CUX2: variants seen among roughly 807,000 people sequenced by gnomAD.
CUX2 encodes cut like homeobox 2, also known as homeobox protein cut-like 2.
Under a neutral mutation model 144.8 loss-of-function variants are expected in CUX2, and 40 were observed. The observed-to-expected ratio is 0.28, with a 90% CI of 0.21 to 0.36. The LOEUF (loss-of-function observed/expected upper bound fraction) is 0.36. CUX2 is among the 10% of genes least tolerant of loss of function. The probability of loss-of-function intolerance (pLI) is 1.00; values close to 1 mark genes in which losing one functional copy is unlikely to be tolerated. For synonymous variants in CUX2, 827 were observed against 875.6 expected (o/e 0.94, Z 0.98); for missense variants, 1,615 against 1,994.0 (o/e 0.81, Z 3.62).
chr12:111,342,168 C>A, intron 21 of CUX2, 115 bp downstream of exon 21: 1 of 1,220,436 alleles, frequency 8.2e-7, no homozygotes, highest in Non-Finnish European at 1.1e-6. Flanking sequence ...AAGACCCCAT[C>A]ACATAGGCAC....
chr12:111,161,098 CCTT>C (rs1316007063), intron 1 of CUX2, among the ~76,000 whole-genome samples: 3 of 152,208 alleles, frequency 2.0e-5, no homozygotes, highest in African/African-American at 7.2e-5. Context: ...GACTGTGTCT[CCTT>C]GGCTCAAAGG....
intron 1 of CUX2, among the ~76,000 whole-genome samples, chr12:111,079,865 A>G (rs2136041119): frequency 6.6e-6 from 1 of 152,178 alleles, no homozygotes; most frequent in Admixed American, 6.5e-5. Flanking sequence ...CTCCCTGGTG[A>G]CAAGCAGGTG....
At chr12:111,278,411 A>G (rs1466408501) in intron 4 of CUX2, among the ~76,000 whole-genome samples, 2 of 152,160 alleles carry the variant, frequency 1.3e-5, no homozygotes, top group Admixed American at 6.5e-5. Context: ...ACAGAGCAAG[A>G]CCCTGTCTCT....
chr12:111,146,475 C>G (rs1876679897), intron 1 of CUX2, among the ~76,000 whole-genome samples: 1 of 152,174 alleles, frequency 6.6e-6, no homozygotes, highest in Non-Finnish European at 1.5e-5. Context: ...CCCACCCAGT[C>G]TGTGATACTT....
At chr12:111,132,329 A>T (rs1241203203) in intron 1 of CUX2, among the ~76,000 whole-genome samples, 1 of 152,062 alleles carries the variant, frequency 6.6e-6, no homozygotes, top group African/African-American at 2.4e-5. Context: ...CAGCCCATGA[A>T]ATCACTTTTT....
intron 1 of CUX2, among the ~76,000 whole-genome samples, chr12:111,172,829 C>T (rs1262772765): frequency 6.6e-6 from 1 of 152,238 alleles, no homozygotes; most frequent in Non-Finnish European, 1.5e-5. Context: ...AGGAGATCAG[C>T]AGTGAGCCAG....
intron 8 of CUX2, 85 bp downstream of exon 8, chr12:111,296,624 C>T: frequency 3.1e-6 from 4 of 1,307,958 alleles, no homozygotes; most frequent in Non-Finnish European, 4.3e-6. Flanking sequence ...GTACTTGCCT[C>T]CTCCCTCTGA....
chr12:111,211,537 G>C (rs1330690754), intron 1 of CUX2, among the ~76,000 whole-genome samples: 4 of 152,148 alleles, frequency 2.6e-5, no homozygotes, highest in Admixed American at 2.6e-4. Flanking sequence ...ACCCCCACCA[G>C]GTATATTGGT....
rs115036507 is a variant in CUX2 at position 111,102,987 on chromosome 12, G to A, written c.63+68747G>A. 6.0e-3 allele frequency among the ~76,000 whole-genome samples: 908 copies of A among 152,226 alleles called. 6 individuals carry two copies. The highest frequency in any genetic ancestry group is 0.02 in the African/African-American group (843 of 41,512). On this transcript the variant is annotated intron_variant, in intron 1 of 21. Transcript: ENST00000261726. ...TGGATGCCTTGATGTTTACAGAAAG[G>A]GGTTATTTTTTAGGAATAAAACACT...
intron 1 of CUX2, among the ~76,000 whole-genome samples, chr12:111,073,589 C>T (rs1376809513): frequency 2.0e-5 from 3 of 152,048 alleles, no homozygotes; most frequent in African/African-American, 4.8e-5. Flanking sequence ...CTGCTCTGTG[C>T]GTTGTAGGAT....
At chr12:111,204,012 C>G (rs1880768826) in intron 1 of CUX2, among the ~76,000 whole-genome samples, 1 of 152,212 alleles carries the variant, frequency 6.6e-6, no homozygotes, top group Admixed American at 6.5e-5. Context: ...AGCCTTGGCC[C>G]AAAGCATCCA....
rs904113801 is a variant in CUX2 at position 111,304,306 on chromosome 12, C to T, written c.850C>T (p.Pro284Ser). The part of the protein sequence containing the change: ...IRLACCSPQG[P>S]SGDKVNFTLC... ...CCTGGCTTGCTGCTCTCCCCAGGGG[C>T]CCAGTGGGGTAAGGATGGGGTTGGG... The change falls in exon 10 of 22, where the codon CCC becomes TCC. Residue 284 changes from proline (P) to serine (S), a missense_variant. Transcript: ENST00000261726. The surrounding 1 kb of genome is among the most constrained non-coding windows in gnomAD (Gnocchi z 4.7). 1 of 1,612,884 alleles carries T rather than the reference C, an allele frequency of 6.2e-7. No homozygotes were observed. The highest frequency in any genetic ancestry group is 1.3e-5 in the African/African-American group (1 of 74,910).
chr12:111,341,793 T>C lies in CUX2; in HGVS notation c.3399T>C (p.Arg1133=). The C allele has an allele frequency of 6.3e-7, 1 of 1,594,310 alleles. No individual in the cohort carries two copies. Among genetic ancestry groups the C allele is most frequent in the African/African-American group, 1.3e-5 (1 of 74,456 alleles). The change falls in exon 21 of 22, where the codon CGT becomes CGC. Residue 1133 remains arginine (R), a synonymous_variant. Coordinates refer to ENST00000261726, the MANE Select transcript of CUX2 (RefSeq NM_015267.4). ...KKLEKKAYLK[R]RYGLISTGSD... is the part of the protein sequence containing the mutation. ...TCCTGGCCCCAGCCTACCTGAAACG[T>C]CGCTATGGCCTCATCAGCACCGGCT...
intron 9 of CUX2, among the ~76,000 whole-genome samples, chr12:111,300,903 TG>T (rs1421295471): frequency 1.3e-5 from 2 of 151,946 alleles, no homozygotes; most frequent in African/African-American, 4.8e-5. Flanking sequence ...CCAGGCATGG[TG>T]GTGTACGCCT....
chr12:111,318,210 C>T (rs1887291233), intron 16 of CUX2, among the ~76,000 whole-genome samples: 1 of 149,914 alleles, frequency 6.7e-6, no homozygotes, highest in Non-Finnish European at 1.5e-5. Flanking sequence ...CGTAGGCATA[C>T]ACCACCATGC....
intron 1 of CUX2, among the ~76,000 whole-genome samples, chr12:111,082,929 G>A (rs1163168296): frequency 6.6e-6 from 1 of 152,134 alleles, no homozygotes; most frequent in Non-Finnish European, 1.5e-5. Context: ...GAGGACATTT[G>A]AGCAGGAGGA....
At chr12:111,136,383 A>T (rs1009343869) in intron 1 of CUX2, among the ~76,000 whole-genome samples, 8 of 151,920 alleles carry the variant, frequency 5.3e-5, no homozygotes, top group Admixed American at 1.3e-4. Context: ...AAGAGGGAGG[A>T]TAAAGCCAGG....
chr12:111,143,990 T>C (rs1001897513), intron 1 of CUX2, among the ~76,000 whole-genome samples: 6 of 152,228 alleles, frequency 3.9e-5, no homozygotes, highest in African/African-American at 1.2e-4. Context: ...AAGTGGCTGA[T>C]GCCTCCAAGA....
chr12:111,242,274 T>A (rs1883056560), intron 3 of CUX2, among the ~76,000 whole-genome samples: 1 of 152,218 alleles, frequency 6.6e-6, no homozygotes, highest in Non-Finnish European at 1.5e-5. Flanking sequence ...CTTTCCTAAG[T>A]TGCAACAGCA....
Sources: gnomAD v4.1 joint callset for allele counts (sites outside exome capture counted in the v4.1 genomes callset) on GRCh38, gnomAD v4.1.1 for gene constraint, Gnocchi (gnomAD v3.1) non-coding constraint, MANE v1.5 for transcripts, NCBI Gene and HGNC (gene_info 2026-07-23, HGNC 2026-07-21) for gene names.